BBS9: variants seen among roughly 807,000 people sequenced by gnomAD.
BBS9 encodes protein PTHB1.
A neutral mutation model predicts 117.7 loss-of-function variants in BBS9; 89 were observed. That is an observed-to-expected ratio of 0.76 (90% CI 0.64 to 0.90). BBS9 has a LOEUF of 0.90. Among genes scored for constraint, BBS9 ranks in the 40% least tolerant of loss-of-function variants. The pLI is 0.00. For missense variants in BBS9, 982 were observed against 1,042.2 expected, an observed-to-expected ratio of 0.94 and a Z score of 0.80; for synonymous variants, 379 against 370.9, an observed-to-expected ratio of 1.02 and a Z score of -0.25.
At chr7:33,142,749 C>CAG (rs70989934) in intron 1 of BBS9, among the ~76,000 whole-genome samples, 24,622 of 152,150 alleles carry the variant, frequency 0.16, 2,124 homozygotes, top group South Asian at 0.21. Flanking sequence ...TAGCAGATGT[C>CAG]AGTTTCCTTC....
At chr7:33,230,966 T>A (rs1258942401) in intron 5 of BBS9, among the ~76,000 whole-genome samples, 1 of 152,172 alleles carries the variant, frequency 6.6e-6, no homozygotes, top group Non-Finnish European at 1.5e-5. Flanking sequence ...TCTTATGGTA[T>A]ATCTGCTTTT....
chr7:33,388,004 G>A lies in BBS9; in HGVS notation c.1975G>A (p.Gly659Ser). 1 of 1,613,994 alleles carries A rather than the reference G, an allele frequency of 6.2e-7. No homozygotes were observed. Among genetic ancestry groups the A allele is most frequent in the Non-Finnish European group, 8.5e-7 (1 of 1,179,976 alleles). ...TTATTCATTGCAGCTACGGATAAAT[G>A]GTGAAAAATTAGAAGAACTCTTATC... is the stretch of plus-strand genomic sequence containing the variant. ...IDHHFELRIN[G>S]EKLEELLSER... Residue 659 changes from glycine (G) to serine (S), a missense_variant, in exon 19 of 23, where the codon GGT (glycine) becomes AGT (serine). Transcript: ENST00000242067.
intron 4 of BBS9, among the ~76,000 whole-genome samples, chr7:33,172,902 G>A (rs1796815058): frequency 6.6e-6 from 1 of 152,120 alleles, no homozygotes; most frequent in Admixed American, 6.5e-5. Flanking sequence ...CTTAATCAAA[G>A]GTGTGACTTA....
chr7:33,372,511 A>G (rs1251055322), intron 17 of BBS9, among the ~76,000 whole-genome samples: 1 of 152,132 alleles, frequency 6.6e-6, no homozygotes, highest in African/African-American at 2.4e-5. Context: ...CCACTTGATC[A>G]TGGTGAATGA....
chr7:33,134,925 C>G (rs1790233382), intron 1 of BBS9, among the ~76,000 whole-genome samples: 1 of 152,198 alleles, frequency 6.6e-6, no homozygotes, highest in Admixed American at 6.5e-5. Flanking sequence ...CAGGGTCTTG[C>G]TCTGTCATCC....
intron 19 of BBS9, among the ~76,000 whole-genome samples, chr7:33,440,139 A>C (rs1835950270): frequency 6.6e-6 from 1 of 152,140 alleles, no homozygotes; most frequent in South Asian, 2.1e-4. Context: ...CTTGGAAAAG[A>C]CTCATAAAAA....
In BBS9 at chr7:33,452,383, C is replaced by T. The variant is rs551191616; in HGVS notation, c.2116-53080C>T. Among the ~76,000 whole-genome samples the T allele has an allele frequency of 2.6e-5, 4 of 152,178 alleles. No individual in the cohort carries two copies. The South Asian group carries it at 6.2e-4, about 24-fold the overall frequency. On this transcript the variant is annotated intron_variant, in intron 19 of 22. Coordinates refer to ENST00000242067, the MANE Select transcript of BBS9 (RefSeq NM_198428.3). ...TTTCTGAAATTCAGCCCTTCTTTTCCCTCACCAAGAACTACAGCTTTTTGA... is the reference window on the plus strand; with the variant it reads ...TTTCTGAAATTCAGCCCTTCTTTTCTCTCACCAAGAACTACAGCTTTTTGA...
At chr7:33,168,148 C>A (rs1163426821) in intron 4 of BBS9, among the ~76,000 whole-genome samples, 1 of 152,130 alleles carries the variant, frequency 6.6e-6, no homozygotes, top group Non-Finnish European at 1.5e-5. Flanking sequence ...CTCCTTTTGG[C>A]TGCTTCAGGT....
At chr7:33,424,758 A>G (rs1037079040) in intron 19 of BBS9, among the ~76,000 whole-genome samples, 5 of 151,966 alleles carry the variant, frequency 3.3e-5, no homozygotes, top group South Asian at 2.1e-4. Flanking sequence ...GTATAATTAT[A>G]AGATTTTTTT....
At chr7:33,341,049 T>G in intron 11 of BBS9, 76 bp downstream of exon 11, 1 of 1,327,524 alleles carries the variant, frequency 7.5e-7, no homozygotes, top group Non-Finnish European at 1.1e-6. Context: ...AATGCATTGG[T>G]TTAAAGTTTG....
At chr7:33,366,058 T>C (rs1168519038) in intron 16 of BBS9, among the ~76,000 whole-genome samples, 1 of 152,140 alleles carries the variant, frequency 6.6e-6, no homozygotes, top group African/African-American at 2.4e-5. Flanking sequence ...ACCTGGGGGT[T>C]AGGGGAATGT....
chr7:33,303,524 C>CA (rs1554406579), intron 9 of BBS9, among the ~76,000 whole-genome samples: 2 of 96,618 alleles, frequency 2.1e-5, no homozygotes, highest in African/African-American at 8.2e-5. Context: ...TGATCCCCTC[C>CA]CCCCGCCCCT....
chr7:33,387,901 TCTTTTA>T (rs1429963785), intron 18 of BBS9, 85 bp from the exon 19 acceptor site: 34 of 1,420,078 alleles, frequency 2.4e-5, no homozygotes, highest in Non-Finnish European at 3.4e-5. Context: ...TCTTCATTAC[TCTTTTA>T]CTTTTATTAT....
At chr7:33,554,467 T>C (rs1854963267) in intron 21 of BBS9, among the ~76,000 whole-genome samples, 1 of 152,008 alleles carries the variant, frequency 6.6e-6, no homozygotes, top group Non-Finnish European at 1.5e-5. Flanking sequence ...CAGAGCTTGG[T>C]GCTGGATTGT....
At chr7:33,179,520 T>C (rs1350645909) in intron 5 of BBS9, among the ~76,000 whole-genome samples, 1 of 152,018 alleles carries the variant, frequency 6.6e-6, no homozygotes, top group Admixed American at 6.6e-5. Flanking sequence ...GGGATCTAGG[T>C]TGTGTGCTCT....
chr7:33,394,165 A>G (rs922903211), intron 19 of BBS9, among the ~76,000 whole-genome samples: 4 of 152,136 alleles, frequency 2.6e-5, no homozygotes, highest in African/African-American at 4.8e-5. Context: ...CTAGTGAATA[A>G]ATATTTTTCA....
chr7:33,228,796 G>A (rs1365758270), intron 5 of BBS9, among the ~76,000 whole-genome samples: 1 of 152,102 alleles, frequency 6.6e-6, no homozygotes, highest in Non-Finnish European at 1.5e-5. Context: ...ACGTTGAATA[G>A]GCTGGGGAGG....
At chr7:33,200,579 T>C (rs1276284056) in intron 5 of BBS9, among the ~76,000 whole-genome samples, 1 of 152,176 alleles carries the variant, frequency 6.6e-6, no homozygotes, top group Non-Finnish European at 1.5e-5. Flanking sequence ...AAAACACACA[T>C]ATTTATTTAT....
intron 21 of BBS9, among the ~76,000 whole-genome samples, chr7:33,565,862 A>ATG (rs1206740192): frequency 7.2e-6 from 1 of 138,982 alleles, no homozygotes; most frequent in Non-Finnish European, 1.6e-5. Context: ...ATATATATAT[A>ATG]TATATATAGC....
Sources: gnomAD v4.1 joint callset for allele counts (sites outside exome capture counted in the v4.1 genomes callset) on GRCh38, gnomAD v4.1.1 for gene constraint, MANE v1.5 for transcripts, NCBI Gene and HGNC (gene_info 2026-07-23, HGNC 2026-07-21) for gene names.